Variants in HERPUD2 observed in about 807,000 individuals in gnomAD.
HERPUD2 encodes the protein HERPUD family member 2.
A neutral mutation model predicts 49.9 loss-of-function variants in HERPUD2; 13 were observed. The observed-to-expected ratio is 0.26, with a 90% CI of 0.17 to 0.41. HERPUD2 has a LOEUF of 0.41. HERPUD2 is among the 10% of genes least tolerant of loss of function. The pLI is 1.00. For missense variants in HERPUD2, 449 were observed against 492.2 expected, an observed-to-expected ratio of 0.91 and a Z score of 0.83; for synonymous variants, 172 against 171.4, an observed-to-expected ratio of 1.00 and a Z score of -0.03.
intron 4 of HERPUD2, 147 bp from the exon 5 acceptor site, chr7:35,667,735 AGT>A (rs1257893650): frequency 1.7e-6 from 1 of 584,014 alleles, no homozygotes; most frequent in African/African-American, 1.8e-5. Flanking sequence ...GTCCAGTATA[AGT>A]AGATATTTTA....
At chr7:35,644,016 T>G (rs1191262565) in intron 5 of HERPUD2, among the ~76,000 whole-genome samples, 2 of 152,116 alleles carry the variant, frequency 1.3e-5, no homozygotes, top group East Asian at 1.9e-4. Flanking sequence ...ACTGCTATTT[T>G]AAAACTATTT....
chr7:35,679,553 G>A (rs1785834825), intron 2 of HERPUD2, among the ~76,000 whole-genome samples: 1 of 152,198 alleles, frequency 6.6e-6, no homozygotes. Flanking sequence ...TTCTCTGGAA[G>A]AGGAATCAAG....
chr7:35,693,975 C>T (rs940779407), intron 2 of HERPUD2, among the ~76,000 whole-genome samples: 23 of 152,144 alleles, frequency 1.5e-4, no homozygotes, highest in African/African-American at 5.3e-4. Context: ...ATTTCTGCTT[C>T]CTCTTACTAA....
chr7:35,663,864 C>G (rs1170425813), intron 5 of HERPUD2, among the ~76,000 whole-genome samples: 1 of 152,080 alleles, frequency 6.6e-6, no homozygotes, highest in Non-Finnish European at 1.5e-5. Flanking sequence ...CAGTCTGTGT[C>G]TTTTAATTGG....
chr7:35,651,065 C>T lies in HERPUD2; in HGVS notation c.495-12593G>A, dbSNP rs530877225. Reference sequence around the variant, plus strand: ...CACAGCAGACACCCATGTGCATGCACTACCTGTGGGCTTGGCAACTGGCCC... The same window carrying T: ...CACAGCAGACACCCATGTGCATGCATTACCTGTGGGCTTGGCAACTGGCCC... On this transcript the variant is annotated intron_variant, in intron 5 of 8. Coordinates refer to ENST00000311350, the MANE Select transcript of HERPUD2 (RefSeq NM_022373.5). 2.6e-5 allele frequency among the ~76,000 whole-genome samples: 4 copies of T among 152,350 alleles called. No individual in the cohort carries two copies. In the East Asian group the frequency reaches 7.7e-4, roughly 29 times the overall value.
At chr7:35,680,830 T>C (rs1785871545) in intron 2 of HERPUD2, among the ~76,000 whole-genome samples, 1 of 152,228 alleles carries the variant, frequency 6.6e-6, no homozygotes, top group South Asian at 2.1e-4. Flanking sequence ...TTTTTTTCTC[T>C]TAAATAAAAG....
chr7:35,663,176 G>A (rs1168722970), intron 5 of HERPUD2, among the ~76,000 whole-genome samples: 2 of 152,248 alleles, frequency 1.3e-5, no homozygotes, highest in East Asian at 3.9e-4. Context: ...GTAGTTGAGC[G>A]GTTTTGACTG....
chr7:35,693,850 C>T (rs1786249330), intron 2 of HERPUD2, among the ~76,000 whole-genome samples: 1 of 152,160 alleles, frequency 6.6e-6, no homozygotes, highest in Non-Finnish European at 1.5e-5. Context: ...GTTGGTAAGG[C>T]TGGTCTCGAA....
intron 5 of HERPUD2, among the ~76,000 whole-genome samples, chr7:35,643,647 A>C (rs1479417495): frequency 2.0e-5 from 3 of 151,946 alleles, no homozygotes; most frequent in Non-Finnish European, 4.4e-5. Context: ...AATTTTCCAC[A>C]AAGAAACCAA....
At chr7:35,656,126 C>T (rs1247401827) in intron 5 of HERPUD2, among the ~76,000 whole-genome samples, 1 of 152,020 alleles carries the variant, frequency 6.6e-6, no homozygotes, top group African/African-American at 2.4e-5. Flanking sequence ...TGTGCCACTG[C>T]ACTCCAGACT....
At chr7:35,663,028 C>G (rs58292552) in intron 5 of HERPUD2, among the ~76,000 whole-genome samples, 19,518 of 152,190 alleles carry the variant, frequency 0.13, 1,512 homozygotes, top group East Asian at 0.25. Context: ...TTTCCCTCTA[C>G]ACACTGTATT....
intron 2 of HERPUD2, among the ~76,000 whole-genome samples, chr7:35,677,530 G>C (rs1436498872): frequency 6.6e-6 from 1 of 152,098 alleles, no homozygotes; most frequent in Admixed American, 6.5e-5. Context: ...AACCTAATTG[G>C]AATTGATTCA....
chr7:35,637,533 T>C (rs758460616), intron 6 of HERPUD2, among the ~76,000 whole-genome samples: 3 of 152,122 alleles, frequency 2.0e-5, no homozygotes, highest in Non-Finnish European at 4.4e-5. Flanking sequence ...TAAAGGCTCA[T>C]TCCCCTATGG....
At chr7:35,648,711 T>C (rs1199294865) in intron 5 of HERPUD2, among the ~76,000 whole-genome samples, 1 of 152,204 alleles carries the variant, frequency 6.6e-6, no homozygotes, top group African/African-American at 2.4e-5. Flanking sequence ...ATGAGAAGAA[T>C]GTGTGCCACG....
chr7:35,672,257 A>C (rs1338188366), intron 3 of HERPUD2, among the ~76,000 whole-genome samples: 1 of 146,038 alleles, frequency 6.8e-6, no homozygotes, highest in Non-Finnish European at 1.5e-5. Flanking sequence ...AAACAGCTCT[A>C]AAAAATTGTT....
At chr7:35,654,229 C>T (rs1263776295) in intron 5 of HERPUD2, among the ~76,000 whole-genome samples, 1 of 150,566 alleles carries the variant, frequency 6.6e-6, no homozygotes, top group East Asian at 1.9e-4. Flanking sequence ...TCAGGATAGA[C>T]TGAAAAAACA....
chr7:35,688,282 G>C (rs1174380219), intron 2 of HERPUD2, among the ~76,000 whole-genome samples: 3 of 152,118 alleles, frequency 2.0e-5, no homozygotes, highest in Non-Finnish European at 4.4e-5. Context: ...ACTATAAATA[G>C]AGGCACAGTC....
At chr7:35,641,385 A>C (rs1427816110) in intron 5 of HERPUD2, among the ~76,000 whole-genome samples, 1 of 152,240 alleles carries the variant, frequency 6.6e-6, no homozygotes, top group East Asian at 1.9e-4. Flanking sequence ...TATCATTAAA[A>C]TGGCCATATT....
chr7:35,659,597 A>G (rs749411210), intron 5 of HERPUD2, among the ~76,000 whole-genome samples: 1 of 152,224 alleles, frequency 6.6e-6, no homozygotes, highest in Non-Finnish European at 1.5e-5. Context: ...TAATGAGAAA[A>G]TGGAAGCACA....
Sources: allele counts gnomAD v4.1 joint callset (sites outside exome capture counted in the v4.1 genomes callset), GRCh38; gene constraint gnomAD v4.1.1; transcripts MANE v1.5; gene names NCBI Gene and HGNC (gene_info 2026-07-23, HGNC 2026-07-21).